The following DOCK1 variants were observed in gnomAD, a reference collection of about 807,000 sequenced individuals.
DOCK1 encodes the protein dedicator of cytokinesis 1, also known as dedicator of cytokinesis protein 1.
Under a neutral mutation model 262.7 loss-of-function variants are expected in DOCK1, and 138 were observed. That is an observed-to-expected ratio of 0.53 (90% CI 0.46 to 0.61). The LOEUF (loss-of-function observed/expected upper bound fraction) is 0.61. Among genes scored for constraint, DOCK1 ranks in the 20% least tolerant of loss-of-function variants. The probability of loss-of-function intolerance (pLI) is 0.00; values close to 1 mark genes in which losing one functional copy is unlikely to be tolerated. For synonymous variants in DOCK1, 866 were observed against 867.4 expected (o/e 1.00, Z 0.03); for missense variants, 1,908 against 2,370.7 (o/e 0.80, Z 4.05).
At chr10:126,920,200 G>T (rs115934060) in intron 1 of DOCK1, among the ~76,000 whole-genome samples, 2,255 of 152,330 alleles carry the variant, frequency 0.015, 48 homozygotes, top group African/African-American at 0.052. Context: ...TTCTTCAGAT[G>T]ATTTGGGGAT....
chr10:127,092,648 A>AT (rs1407075986), intron 23 of DOCK1, among the ~76,000 whole-genome samples: 4 of 151,738 alleles, frequency 2.6e-5, no homozygotes, highest in East Asian at 1.9e-4. Context: ...CGCCTGGATA[A>AT]TTTTTTTGTA....
intron 29 of DOCK1, among the ~76,000 whole-genome samples, chr10:127,318,161 C>T (rs1428817195): frequency 6.6e-6 from 1 of 152,144 alleles, no homozygotes; most frequent in Non-Finnish European, 1.5e-5. Context: ...GGATTATTTT[C>T]GTTGCAAAAT....
At chr10:127,393,681 A>G (rs970185497) in intron 38 of DOCK1, among the ~76,000 whole-genome samples, 7 of 152,118 alleles carry the variant, frequency 4.6e-5, no homozygotes, top group Admixed American at 4.6e-4. Context: ...GCTGTTTTAT[A>G]TTGGACACGG....
intron 23 of DOCK1, among the ~76,000 whole-genome samples, chr10:127,082,802 G>T (rs2046982245): frequency 6.6e-6 from 1 of 152,098 alleles, no homozygotes; most frequent in Non-Finnish European, 1.5e-5. Flanking sequence ...TAGCCCTGGG[G>T]AGCCCGATTC....
rs192798860 is a variant in DOCK1 at position 127,226,831 on chromosome 10, C to T, written c.2848-21177C>T. Among the ~76,000 whole-genome samples, 167 of 152,204 alleles carry T rather than the reference C, an allele frequency of 1.1e-3. 1 individual carries two copies. Among genetic ancestry groups the T allele is most frequent in the Non-Finnish European group, 5.1e-4 (35 of 68,004 alleles). On this transcript the variant is annotated intron_variant, in intron 27 of 51. Transcript: ENST00000623213. ...CCATTGTGATTACACAATACTTCTA[C>T]CTGGACTGCCTTTCTCCCGCTCCCA...
At position 127,012,036 on chromosome 10, in the gene DOCK1, C is replaced by T. The variant is rs192365878; in HGVS notation, c.1059-196C>T. ...TGCCCTCATTTGCTCTGTTCCCTCTCGTGGTTCAGCATTTTCCTGATCAAT... is the reference window on the plus strand; with the variant it reads ...TGCCCTCATTTGCTCTGTTCCCTCTTGTGGTTCAGCATTTTCCTGATCAAT... On this transcript the variant is annotated intron_variant, in intron 11 of 51. Coordinates refer to ENST00000623213, the MANE Select transcript of DOCK1 (RefSeq NM_001290223.2). This position sits in a 1 kb window ranked among gnomAD's most constrained non-coding sequence, Gnocchi z 4.0. 1.6e-4 allele frequency among the ~76,000 whole-genome samples: 24 copies of T among 152,244 alleles called. No homozygotes were observed. The highest frequency in any genetic ancestry group is 3.9e-4 in the East Asian group (2 of 5,164).
intron 27 of DOCK1, among the ~76,000 whole-genome samples, chr10:127,187,565 T>C (rs1316952155): frequency 1.3e-5 from 2 of 152,054 alleles, no homozygotes; most frequent in East Asian, 3.9e-4. Flanking sequence ...AAAGAGAGCA[T>C]ATCCTGCCAC....
intron 25 of DOCK1, among the ~76,000 whole-genome samples, chr10:127,112,522 G>T (rs772745109): frequency 1.3e-5 from 2 of 152,176 alleles, no homozygotes; most frequent in African/African-American, 4.8e-5. Flanking sequence ...AAGTATGCAG[G>T]ATGTGAATAA....
chr10:127,031,616 G>C, intron 16 of DOCK1, 34 bp from the exon 17 acceptor site: 1 of 1,476,340 alleles, frequency 6.8e-7, no homozygotes. Flanking sequence ...ATAATTGAAA[G>C]CAATCATCAA....
At chr10:127,273,336 C>G (rs1014712467) in intron 29 of DOCK1, among the ~76,000 whole-genome samples, 3 of 152,124 alleles carry the variant, frequency 2.0e-5, no homozygotes, top group Non-Finnish European at 4.4e-5. Context: ...CTTCCTTTAC[C>G]TTAGCTAAGG....
At chr10:127,205,244 AC>A (rs1212933308) in intron 27 of DOCK1, among the ~76,000 whole-genome samples, 1 of 152,126 alleles carries the variant, frequency 6.6e-6, no homozygotes, top group Non-Finnish European at 1.5e-5. Flanking sequence ...TCAGATTCAT[AC>A]GTTATTGGCT....
At chr10:127,293,252 C>A (rs1450413124) in intron 29 of DOCK1, among the ~76,000 whole-genome samples, 1 of 152,174 alleles carries the variant, frequency 6.6e-6, no homozygotes, top group East Asian at 1.9e-4. Flanking sequence ...CAGGAATGGC[C>A]TTTTCATAGG....
Position 127,031,635 on chromosome 10 carries a change from T to C in DOCK1, c.1625-15T>C. 6.3e-7 allele frequency: 1 copy of C among 1,595,984 alleles called. No homozygotes were observed. Among genetic ancestry groups the C allele is most frequent in the Non-Finnish European group, 8.5e-7 (1 of 1,173,586 alleles). On this transcript the variant is annotated splice_polypyrimidine_tract_variant and intron_variant, in intron 16 of 51. Transcript: ENST00000623213. ...TTGAAAGCAATCATCAATTTTTTTG[T>C]TTTTTGTTTTACAGCTAAGGATAAA...
chr10:127,141,955 C>T (rs373513783), intron 27 of DOCK1, among the ~76,000 whole-genome samples: 3 of 152,228 alleles, frequency 2.0e-5, no homozygotes, highest in East Asian at 1.9e-4. Flanking sequence ...TCCCATGCCA[C>T]GGTCCCCTCC....
chr10:127,014,666 T>C (rs2041725047), intron 12 of DOCK1, among the ~76,000 whole-genome samples: 1 of 152,212 alleles, frequency 6.6e-6, no homozygotes, highest in African/African-American at 2.4e-5. Context: ...GCTTTTGGAC[T>C]CAAACTCCTG....
chr10:127,053,186 A>G (rs1359584982), intron 22 of DOCK1, among the ~76,000 whole-genome samples: 2 of 152,076 alleles, frequency 1.3e-5, no homozygotes, highest in Non-Finnish European at 2.9e-5. Context: ...AAAAACAACA[A>G]CAAAAATAGG....
intron 42 of DOCK1, among the ~76,000 whole-genome samples, 181 bp downstream of exon 42, chr10:127,409,572 CAGG>C (rs1160531732): frequency 8.5e-5 from 13 of 152,156 alleles, no homozygotes; most frequent in Non-Finnish European, 1.5e-5. Flanking sequence ...AAAAAAGTGA[CAGG>C]AGATGTTAAT....
chr10:127,020,662 G>A (rs189714738), intron 13 of DOCK1, among the ~76,000 whole-genome samples: 2 of 152,186 alleles, frequency 1.3e-5, no homozygotes, highest in East Asian at 1.9e-4. Context: ...CAGGTTCCAT[G>A]TGCTGAGTCC....
intron 23 of DOCK1, among the ~76,000 whole-genome samples, chr10:127,065,257 C>T (rs369871619): frequency 3.3e-5 from 5 of 152,250 alleles, no homozygotes; most frequent in Admixed American, 1.3e-4. Flanking sequence ...ATAATTCACC[C>T]GCCTCGGCCT....
Sources: gnomAD v4.1 joint callset for allele counts (sites outside exome capture counted in the v4.1 genomes callset) on GRCh38, gnomAD v4.1.1 for gene constraint, Gnocchi (gnomAD v3.1) non-coding constraint, MANE v1.5 for transcripts, NCBI Gene and HGNC (gene_info 2026-07-23, HGNC 2026-07-21) for gene names.